PTPN9: variants seen among roughly 807,000 people sequenced by gnomAD.
PTPN9 encodes tyrosine-protein phosphatase non-receptor type 9.
A neutral mutation model predicts 69.8 loss-of-function variants in PTPN9; 26 were observed. The ratio of observed to expected loss-of-function variants is 0.37; its 90% CI spans 0.27 to 0.52. PTPN9 has a LOEUF of 0.52. PTPN9 is among the 20% of genes least tolerant of loss of function. The probability of loss-of-function intolerance (pLI) is 0.91; values close to 1 mark genes in which losing one functional copy is unlikely to be tolerated. For synonymous variants in PTPN9, 274 were observed against 272.5 expected (o/e 1.01, Z -0.05); for missense variants, 549 against 740.3 (o/e 0.74, Z 3.00).
chr15:75,472,779 CAA>C (rs71440239), intron 10 of PTPN9, among the ~76,000 whole-genome samples: 1 of 136,164 alleles, frequency 7.3e-6, no homozygotes, highest in Admixed American at 7.4e-5. Flanking sequence ...ACACCATCTC[CAA>C]AAAAAAAAAA....
chr15:75,578,391 C>T (rs1232679940), intron 1 of PTPN9, among the ~76,000 whole-genome samples: 1 of 152,220 alleles, frequency 6.6e-6, no homozygotes, highest in Non-Finnish European at 1.5e-5. Context: ...GGGCAAGCAG[C>T]GGTTCTGCAA....
chr15:75,558,891 C>G (rs2075089770), intron 1 of PTPN9, among the ~76,000 whole-genome samples: 1 of 152,184 alleles, frequency 6.6e-6, no homozygotes, highest in Non-Finnish European at 1.5e-5. Flanking sequence ...ACCTCCACCT[C>G]CCAGCCGCCT....
chr15:75,480,887 T>C lies in PTPN9; in HGVS notation c.1063-973A>G, dbSNP rs373481831. On this transcript the variant is annotated intron_variant, in intron 8 of 12. Transcript: ENST00000618819. ...GCCGAGATTGCAGCCTCTGCCCGGC[T>C]GCCACCCCGTCTGGGAAGTGAGGAG... is the stretch of plus-strand genomic sequence containing the variant. 3.9e-3 allele frequency: 1,026 copies of C among 266,306 alleles called. 1 individual carries two copies. Among genetic ancestry groups the C allele is most frequent in the Non-Finnish European group, 5.7e-3 (825 of 145,640 alleles). 16.5% of individuals were successfully genotyped at this position (266,306 alleles called of 1,614,324 possible).
At chr15:75,508,039 C>CAAAAAAAAAAAAAAAAAAAAAAAA (rs990909256) in intron 6 of PTPN9, among the ~76,000 whole-genome samples, 1 of 37,380 alleles carries the variant, frequency 2.7e-5, no homozygotes, top group Non-Finnish European at 4.9e-5. Flanking sequence ...GAGACACTCT[C>CAAAAAAAAAAAAAAAAAAAAAAAA]AAAAAAAAAA....
chr15:75,489,174 C>CAA (rs35540489), intron 8 of PTPN9, among the ~76,000 whole-genome samples: 741 of 63,240 alleles, frequency 0.012, 13 homozygotes, highest in East Asian at 0.023. Context: ...GACTCCGTCT[C>CAA]AAAAAAAAAA....
chr15:75,504,207 TCGGG>T, intron 7 of PTPN9, among the ~76,000 whole-genome samples: 1 of 30,376 alleles, frequency 3.3e-5, no homozygotes, highest in Admixed American at 3.9e-4. Context: ...GGGAGGGAGG[TCGGG>T]GGGGTCAGCC....
At chr15:75,517,812 G>C (rs1381980954) in intron 4 of PTPN9, among the ~76,000 whole-genome samples, 1 of 152,042 alleles carries the variant, frequency 6.6e-6, no homozygotes, top group African/African-American at 2.4e-5. Context: ...AATAAACTCT[G>C]TATAGCCATC....
chr15:75,524,777 CA>C (rs10699634), intron 2 of PTPN9, among the ~76,000 whole-genome samples: 5 of 72,938 alleles, frequency 6.9e-5, no homozygotes, highest in East Asian at 1.3e-3. Context: ...GACTCTGTCT[CA>C]AAAAAAAAAA....
intron 7 of PTPN9, among the ~76,000 whole-genome samples, chr15:75,499,040 C>T (rs2074758927): frequency 6.6e-6 from 1 of 152,048 alleles, no homozygotes; most frequent in African/African-American, 2.4e-5. Context: ...TAATCTGTCT[C>T]CATTATTTCT....
intron 7 of PTPN9, among the ~76,000 whole-genome samples, chr15:75,491,299 A>G (rs1366115088): frequency 1.3e-5 from 2 of 151,996 alleles, no homozygotes; most frequent in Non-Finnish European, 2.9e-5. Flanking sequence ...GCTACTCAGG[A>G]GGCTGAGCCA....
intron 5 of PTPN9, among the ~76,000 whole-genome samples, chr15:75,515,490 A>G (rs1162169611): frequency 6.6e-6 from 1 of 151,628 alleles, no homozygotes; most frequent in Non-Finnish European, 1.5e-5. Context: ...TAAAGAGGCC[A>G]GGCACAGTGG....
chr15:75,572,506 T>TG (rs1223909862), intron 1 of PTPN9, among the ~76,000 whole-genome samples: 1 of 152,124 alleles, frequency 6.6e-6, no homozygotes, highest in Non-Finnish European at 1.5e-5. Context: ...GATCAGGAGT[T>TG]GGAGACCAGA....
At chr15:75,479,748 C>T in intron 9 of PTPN9, 100 bp downstream of exon 9, 1 of 1,026,884 alleles carries the variant, frequency 9.7e-7, no homozygotes, top group Non-Finnish European at 1.4e-6. Context: ...CCAAAACCTC[C>T]ACTCAAGTTA....
At chr15:75,494,666 T>C (rs1002178664) in intron 7 of PTPN9, among the ~76,000 whole-genome samples, 1 of 152,136 alleles carries the variant, frequency 6.6e-6, no homozygotes, top group East Asian at 1.9e-4. Flanking sequence ...CTCAATCCTT[T>C]TAAATGATCT....
intron 1 of PTPN9, among the ~76,000 whole-genome samples, chr15:75,537,904 C>T (rs1440967400): frequency 6.7e-6 from 1 of 150,290 alleles, no homozygotes; most frequent in Non-Finnish European, 1.5e-5. Context: ...TCTAAAAATA[C>T]AAAAATTAGC....
chr15:75,469,645 A>G (rs1444285571), intron 12 of PTPN9, 147 bp downstream of exon 12: 1 of 855,334 alleles, frequency 1.2e-6, no homozygotes, highest in Non-Finnish European at 1.8e-6. Flanking sequence ...CCAAAAGGAC[A>G]TTAGATGAGG....
chr15:75,512,703 A>G (rs1324278674), intron 5 of PTPN9: 1 of 206,606 alleles, frequency 4.8e-6, no homozygotes, highest in Non-Finnish European at 9.7e-6. Flanking sequence ...TCATTTATTT[A>G]TTTGAAAAAC....
chr15:75,527,091 G>A (rs2074931595), intron 2 of PTPN9, 27 bp downstream of exon 2: 1 of 1,613,778 alleles, frequency 6.2e-7, no homozygotes. Context: ...AACTGCCACA[G>A]GTCTGGTCTA....
intron 7 of PTPN9, among the ~76,000 whole-genome samples, chr15:75,492,392 G>A (rs377195912): frequency 1.2e-4 from 19 of 152,258 alleles, no homozygotes; most frequent in Middle Eastern, 3.4e-3. Context: ...TAGGACCAAG[G>A]GAGGTACCTA....
Sources: gnomAD v4.1 joint callset for allele counts (sites outside exome capture counted in the v4.1 genomes callset) on GRCh38, gnomAD v4.1.1 for gene constraint, MANE v1.5 for transcripts, NCBI Gene and HGNC (gene_info 2026-07-23, HGNC 2026-07-21) for gene names.